WDR25: variants seen among roughly 807,000 people sequenced by gnomAD.
WDR25 encodes the protein WD repeat-containing protein 25.
Under a neutral mutation model 47.7 loss-of-function variants are expected in WDR25, and 35 were observed. The observed-to-expected ratio is 0.73, with a 90% CI of 0.56 to 0.97. WDR25 has a LOEUF of 0.97. WDR25 is among the 50% of genes least tolerant of loss of function. WDR25 has a pLI of 0.00. For synonymous variants in WDR25, 248 were observed against 278.9 expected (o/e 0.89, Z 1.10); for missense variants, 634 against 704.7 (o/e 0.90, Z 1.14).
intron 2 of WDR25, among the ~76,000 whole-genome samples, chr14:100,464,278 C>T (rs1398913222): frequency 2.0e-5 from 3 of 152,198 alleles, no homozygotes; most frequent in African/African-American, 7.2e-5. Flanking sequence ...GGACTTCCTC[C>T]AAAGTCACCT....
chr14:100,395,237 C>T (rs1188491055), intron 2 of WDR25, among the ~76,000 whole-genome samples: 1 of 152,192 alleles, frequency 6.6e-6, no homozygotes, highest in Non-Finnish European at 1.5e-5. Flanking sequence ...TTTCGGTGTT[C>T]AGTCCCAGCC....
At chr14:100,403,544 G>A (rs527964997) in intron 2 of WDR25, among the ~76,000 whole-genome samples, 35 of 152,370 alleles carry the variant, frequency 2.3e-4, no homozygotes, top group African/African-American at 7.0e-4. Context: ...TGCTTAGCCC[G>A]CAGGGCTGTT....
chr14:100,527,807 C>T (rs1209813754), intron 5 of WDR25, among the ~76,000 whole-genome samples: 1 of 152,256 alleles, frequency 6.6e-6, no homozygotes, highest in Non-Finnish European at 1.5e-5. Flanking sequence ...CCTCTGATGG[C>T]CACATCAGCC....
At chr14:100,527,761 C>T (rs1014820193) in intron 5 of WDR25, among the ~76,000 whole-genome samples, 7 of 152,256 alleles carry the variant, frequency 4.6e-5, no homozygotes, top group African/African-American at 1.7e-4. Flanking sequence ...CACCATCACA[C>T]TGGGAGCTTG....
intron 4 of WDR25, among the ~76,000 whole-genome samples, chr14:100,501,271 A>G (rs1317920446): frequency 1.3e-5 from 2 of 152,232 alleles, no homozygotes; most frequent in Non-Finnish European, 2.9e-5. Context: ...TAAGGCACCT[A>G]GCAAGACAGA....
chr14:100,378,172 ATT>A (rs11350148), intron 1 of WDR25, among the ~76,000 whole-genome samples: 28 of 149,642 alleles, frequency 1.9e-4, no homozygotes, highest in African/African-American at 3.5e-4. Context: ...TTTCAGAAAG[ATT>A]TTTTTTTTTT....
In WDR25 at chr14:100,424,079, C is replaced by T. The variant is rs1898101337; in HGVS notation, c.822+42333C>T. ...GCCAGGTGTGCCACAGGCCATCTCG[C>T]AGGGCCTCCCTGTACCAACCAGATT... On this transcript the variant is annotated intron_variant, in intron 2 of 6. Transcript: ENST00000402312. The surrounding 1 kb of genome is among the most constrained non-coding windows in gnomAD (Gnocchi z 4.2). Among the ~76,000 whole-genome samples the T allele has an allele frequency of 6.6e-6, 1 of 152,220 alleles. No homozygotes were observed. The highest frequency in any genetic ancestry group is 1.5e-5 in the Non-Finnish European group (1 of 68,036).
intron 2 of WDR25, among the ~76,000 whole-genome samples, chr14:100,450,437 T>C (rs977327286): frequency 2.6e-5 from 4 of 152,260 alleles, no homozygotes; most frequent in African/African-American, 9.6e-5. Context: ...AAGAGCTGTT[T>C]GTTGCTTAAT....
chr14:100,450,581 C>T (rs1319912357), intron 2 of WDR25, among the ~76,000 whole-genome samples: 2 of 152,244 alleles, frequency 1.3e-5, no homozygotes, highest in Non-Finnish European at 2.9e-5. Flanking sequence ...GAGAGTCACT[C>T]AGTCACTCTA....
chr14:100,423,649 T>C (rs1320428195), intron 2 of WDR25, among the ~76,000 whole-genome samples: 2 of 152,216 alleles, frequency 1.3e-5, no homozygotes, highest in Non-Finnish European at 2.9e-5. Flanking sequence ...AACGGAACTT[T>C]TGACTACTTT....
At chr14:100,454,401 T>TA in intron 2 of WDR25, 1 of 1,287,306 alleles carries the variant, frequency 7.8e-7, no homozygotes, top group Non-Finnish European at 1.0e-6. Context: ...GGTGAAGTGT[T>TA]ACTTTTTAAT....
intron 3 of WDR25, among the ~76,000 whole-genome samples, chr14:100,480,194 A>G (rs773566664): frequency 2.0e-5 from 3 of 151,798 alleles, no homozygotes; most frequent in Non-Finnish European, 4.4e-5. Context: ...TGTCTTCACT[A>G]CTCCCCTCAG....
At chr14:100,395,054 A>G (rs1897227885) in intron 2 of WDR25, among the ~76,000 whole-genome samples, 1 of 151,808 alleles carries the variant, frequency 6.6e-6, no homozygotes, top group Admixed American at 6.6e-5. Flanking sequence ...TGGGGCGGGG[A>G]CAGTGAGGAC....
intron 2 of WDR25, among the ~76,000 whole-genome samples, chr14:100,393,452 C>T (rs1314845191): frequency 1.3e-5 from 2 of 152,154 alleles, no homozygotes; most frequent in African/African-American, 4.8e-5. Flanking sequence ...GATACGGTTC[C>T]GGTACCTGGG....
Position 100,468,030 on chromosome 14 carries a change from G to A in WDR25, c.832G>A (p.Ala278Thr). 2 of 1,612,814 alleles carry A rather than the reference G, an allele frequency of 1.2e-6. No individual in the cohort carries two copies. Among genetic ancestry groups the A allele is most frequent in the Non-Finnish European group, 1.7e-6 (2 of 1,180,028 alleles). Residue 278 changes from alanine to threonine, a missense_variant, in exon 3 of 7, where the codon GCC becomes ACC. Transcript: ENST00000402312. This position sits in a 1 kb window ranked among gnomAD's most constrained non-coding sequence, Gnocchi z 4.5. Reference protein sequence around the residue: ...SMDKTFKVWNAVDSGHCLQTY... With the variant: ...SMDKTFKVWNTVDSGHCLQTY... Reference sequence around the variant, plus strand: ...CTGTGTTTGCCTGCAGGTATGGAACGCCGTGGACTCCGGGCACTGCCTGCA... The same window carrying A: ...CTGTGTTTGCCTGCAGGTATGGAACACCGTGGACTCCGGGCACTGCCTGCA...
At chr14:100,447,521 T>C (rs1428329093) in intron 2 of WDR25, among the ~76,000 whole-genome samples, 1 of 152,086 alleles carries the variant, frequency 6.6e-6, no homozygotes, top group African/African-American at 2.4e-5. Context: ...TGAGGTCACA[T>C]TTTACTTGTC....
chr14:100,398,763 G>T (rs1897313662), intron 2 of WDR25, among the ~76,000 whole-genome samples: 1 of 148,540 alleles, frequency 6.7e-6, no homozygotes, highest in Non-Finnish European at 1.5e-5. Flanking sequence ...TAAGTAATTT[G>T]TTTTTTTGGG....
chr14:100,441,394 GA>G (rs1207516150), intron 2 of WDR25, among the ~76,000 whole-genome samples: 2 of 152,124 alleles, frequency 1.3e-5, no homozygotes, highest in Non-Finnish European at 2.9e-5. Context: ...GTGGGGCAGG[GA>G]AGGCAGTGCA....
At chr14:100,442,636 C>T (rs1351636921) in intron 2 of WDR25, among the ~76,000 whole-genome samples, 1 of 152,122 alleles carries the variant, frequency 6.6e-6, no homozygotes, top group African/African-American at 2.4e-5. Flanking sequence ...CTGTGGCTGG[C>T]AGGATGTTGC....
Sources: gnomAD v4.1 joint callset for allele counts (sites outside exome capture counted in the v4.1 genomes callset) on GRCh38, gnomAD v4.1.1 for gene constraint, Gnocchi (gnomAD v3.1) non-coding constraint, MANE v1.5 for transcripts, NCBI Gene and HGNC (gene_info 2026-07-23, HGNC 2026-07-21) for gene names.